Variants in RBFOX1 observed in about 807,000 individuals in gnomAD.
RBFOX1 encodes RNA binding protein fox-1 homolog 1.
Under a neutral mutation model 57.7 loss-of-function variants are expected in RBFOX1, and 8 were observed. The observed-to-expected ratio is 0.14, with a 90% CI of 0.08 to 0.25. The LOEUF is 0.25. Ranked by LOEUF, RBFOX1 falls within the 10% of genes least tolerant of loss-of-function variation. The pLI is 1.00. For missense variants in RBFOX1, 611 were observed against 548.5 expected, an observed-to-expected ratio of 1.11 and a Z score of -1.14; for synonymous variants, 326 against 222.4, an observed-to-expected ratio of 1.47 and a Z score of -4.15.
chr16:6,622,165 A>G (rs1293092271), intron 2 of RBFOX1, among the ~76,000 whole-genome samples: 3 of 152,162 alleles, frequency 2.0e-5, no homozygotes, highest in Non-Finnish European at 4.4e-5. Flanking sequence ...GATAGCACAA[A>G]ATATTGCTGA....
intron 3 of RBFOX1, among the ~76,000 whole-genome samples, chr16:6,719,852 G>C (rs1221646810): frequency 6.6e-6 from 1 of 151,978 alleles, no homozygotes; most frequent in African/African-American, 2.4e-5. Context: ...CAGCACTTTG[G>C]GAAGCCTGGG....
At chr16:6,722,957 G>A (rs377715323) in intron 3 of RBFOX1, among the ~76,000 whole-genome samples, 2 of 152,146 alleles carry the variant, frequency 1.3e-5, no homozygotes, top group African/African-American at 4.8e-5. Context: ...AGGCAAGTCA[G>A]GAGTTCTGCA....
chr16:6,509,124 T>C (rs1234489843), intron 2 of RBFOX1, among the ~76,000 whole-genome samples: 1 of 152,206 alleles, frequency 6.6e-6, no homozygotes, highest in Non-Finnish European at 1.5e-5. Context: ...TGTTGTGCTT[T>C]CTTTTGTCTT....
chr16:7,555,344 G>A (rs1553612), intron 5 of RBFOX1, among the ~76,000 whole-genome samples: 141,901 of 152,246 alleles, frequency 0.93, 66,495 homozygotes, highest in Non-Finnish European at 0.99. Flanking sequence ...TAAGTAGAAA[G>A]GCTGTGGAAA....
At chr16:6,482,543 G>A (rs1003111547) in intron 2 of RBFOX1, among the ~76,000 whole-genome samples, 1 of 152,192 alleles carries the variant, frequency 6.6e-6, no homozygotes, top group Non-Finnish European at 1.5e-5. Flanking sequence ...TATTATTCAA[G>A]GTACACATAT....
intron 2 of RBFOX1, among the ~76,000 whole-genome samples, chr16:6,330,640 C>G (rs1212813262): frequency 6.6e-6 from 1 of 152,202 alleles, no homozygotes; most frequent in Non-Finnish European, 1.5e-5. Flanking sequence ...CCGCGAGAGA[C>G]ACAGTGGGAA....
At position 7,015,777 on chromosome 16, in the gene RBFOX1, T is replaced by C. The variant is rs116952084; in HGVS notation, c.-15-36280T>C. Among the ~76,000 whole-genome samples the C allele has an allele frequency of 1.5e-3, 227 of 150,308 alleles. 2 individuals carry two copies. In the East Asian group the frequency reaches 0.021, roughly 14 times the overall value. ...ACATTTTCTTTTTTTTTCTTAAAGA[T>C]TTTTTTTTTCTGACTAATAACATTT... is the stretch of plus-strand genomic sequence containing the variant. On this transcript the variant is annotated intron_variant, in intron 3 of 15. Transcript: ENST00000550418.
At chr16:5,948,782 C>T (rs1056706168) in intron 4 of RBFOX1, among the ~76,000 whole-genome samples, 2 of 152,130 alleles carry the variant, frequency 1.3e-5, no homozygotes, top group Non-Finnish European at 2.9e-5. Flanking sequence ...AGAATAATCT[C>T]CTGTTGTTTT....
chr16:6,359,474 C>A (rs1279941720), intron 2 of RBFOX1, among the ~76,000 whole-genome samples: 1 of 152,154 alleles, frequency 6.6e-6, no homozygotes, highest in Non-Finnish European at 1.5e-5. Flanking sequence ...GGAGGATTTG[C>A]AGTGACTTGT....
At chr16:7,313,877 C>T (rs2096378151) in intron 4 of RBFOX1, among the ~76,000 whole-genome samples, 1 of 152,134 alleles carries the variant, frequency 6.6e-6, no homozygotes, top group Non-Finnish European at 1.5e-5. Flanking sequence ...ACTGTGCCGG[C>T]CAGTGGCTGG....
intron 4 of RBFOX1, among the ~76,000 whole-genome samples, chr16:5,906,151 C>T (rs571005878): frequency 6.6e-6 from 1 of 152,254 alleles, no homozygotes; most frequent in South Asian, 2.1e-4. Context: ...TTGAGTCATG[C>T]CTCCCCCAGA....
At chr16:6,248,073 C>G (rs945496718) in intron 1 of RBFOX1, among the ~76,000 whole-genome samples, 3 of 152,148 alleles carry the variant, frequency 2.0e-5, no homozygotes, top group African/African-American at 7.2e-5. Context: ...TTAAAAGCAG[C>G]CTCTCTTTTT....
At chr16:5,324,329 G>T (rs1467195864) in intron 1 of RBFOX1, among the ~76,000 whole-genome samples, 1 of 152,160 alleles carries the variant, frequency 6.6e-6, no homozygotes, top group African/African-American at 2.4e-5. Context: ...TGGGCATGGT[G>T]GTGCACGCCT....
intron 2 of RBFOX1, among the ~76,000 whole-genome samples, chr16:6,628,249 C>T (rs114009887): frequency 0.013 from 2,000 of 152,284 alleles, 58 homozygotes; most frequent in African/African-American, 0.045. Flanking sequence ...TGACAGCCAA[C>T]GTAAATTTTG....
At chr16:6,727,039 TATTTGGA>T (rs2067352182) in intron 3 of RBFOX1, among the ~76,000 whole-genome samples, 2 of 23,990 alleles carry the variant, frequency 8.3e-5, no homozygotes, top group Admixed American at 9.1e-4. Context: ...GACCTTCAGG[TATTTGGA>T]CTGAACACAC....
chr16:7,237,199 G>A (rs148083005), intron 4 of RBFOX1, among the ~76,000 whole-genome samples: 1 of 152,108 alleles, frequency 6.6e-6, no homozygotes, highest in Admixed American at 6.6e-5. Context: ...AACTTCCCTT[G>A]CCTGGCATCT....
At chr16:7,177,907 C>G (rs1044683594) in intron 4 of RBFOX1, among the ~76,000 whole-genome samples, 3 of 152,266 alleles carry the variant, frequency 2.0e-5, no homozygotes. Flanking sequence ...AGCTTCTGTT[C>G]TAGTGTAGTT....
intron 3 of RBFOX1, among the ~76,000 whole-genome samples, chr16:6,844,874 A>G (rs2093676776): frequency 6.6e-6 from 1 of 152,208 alleles, no homozygotes; most frequent in Non-Finnish European, 1.5e-5. Context: ...ATTAGTAACC[A>G]TTCTGACTGG....
chr16:5,396,189 C>T (rs759677841), intron 1 of RBFOX1, among the ~76,000 whole-genome samples: 2 of 152,180 alleles, frequency 1.3e-5, no homozygotes, highest in Non-Finnish European at 2.9e-5. Context: ...ATAGGTAATC[C>T]TCTTTGCAAT....
Sources: gnomAD v4.1 joint callset for allele counts (sites outside exome capture counted in the v4.1 genomes callset) on GRCh38, gnomAD v4.1.1 for gene constraint, MANE v1.5 for transcripts, NCBI Gene and HGNC (gene_info 2026-07-23, HGNC 2026-07-21) for gene names.